KCNIP1: variants seen among roughly 807,000 people sequenced by gnomAD.
KCNIP1 encodes potassium voltage-gated channel interacting protein 1, also known as A-type potassium channel modulatory protein KCNIP1.
Under a neutral mutation model 33.0 loss-of-function variants are expected in KCNIP1, and 18 were observed. That is an observed-to-expected ratio of 0.55 (90% CI 0.38 to 0.81). The LOEUF (loss-of-function observed/expected upper bound fraction) is 0.81, where lower values mean the gene tolerates loss of function less well. Ranked by LOEUF, KCNIP1 falls within the 30% of genes least tolerant of loss-of-function variation. KCNIP1 has a pLI of 0.00. For synonymous variants in KCNIP1, 93 were observed against 98.3 expected, an observed-to-expected ratio of 0.95 and a Z score of 0.32; for missense variants, 238 against 271.6, an observed-to-expected ratio of 0.88 and a Z score of 0.87.
intron 1 of KCNIP1, among the ~76,000 whole-genome samples, chr5:170,633,766 G>T (rs1760173918): frequency 3.0e-5 from 1 of 32,898 alleles, no homozygotes; most frequent in South Asian, 1.1e-3. Context: ...GCGGAGGGGG[G>T]ATGGGGCGGG....
rs76428679 is a variant in KCNIP1, at chr5:170,366,617, G to T, written c.88+12653G>T. Among the ~76,000 whole-genome samples the T allele has an allele frequency of 1.4e-3, 207 of 152,372 alleles. 1 individual carries two copies. Among genetic ancestry groups the T allele is most frequent in the African/African-American group, 4.9e-3 (203 of 41,594 alleles). On this transcript the variant is annotated intron_variant, in intron 1 of 7. Transcript: ENST00000377360. Reference sequence around the variant, plus strand: ...TGTGACTGGAAGTCAAGGCCACATGGCACAGTGACCAGCGTGAGACTCCTC... The same window carrying T: ...TGTGACTGGAAGTCAAGGCCACATGTCACAGTGACCAGCGTGAGACTCCTC...
chr5:170,683,889 AGTGTATGTGTGTGTGTGTGTGT>A (rs1263607620), intron 1 of KCNIP1, among the ~76,000 whole-genome samples: 8 of 124,690 alleles, frequency 6.4e-5, no homozygotes, highest in South Asian at 2.8e-4. Flanking sequence ...ATGCCCAGCT[AGTGTATGTGTGTGTGTGTGTGT>A]GTGTGTGTGT....
At chr5:170,493,242 TTGTG>T (rs1329720592) in intron 1 of KCNIP1, among the ~76,000 whole-genome samples, 2 of 152,236 alleles carry the variant, frequency 1.3e-5, no homozygotes, top group Non-Finnish European at 2.9e-5. Flanking sequence ...ACTCAGGGCT[TTGTG>T]TGGCTCTGGC....
chr5:170,615,833 GATTA>G (rs1236884960), intron 1 of KCNIP1, among the ~76,000 whole-genome samples: 1 of 152,218 alleles, frequency 6.6e-6, no homozygotes, highest in East Asian at 1.9e-4. Context: ...TTGTTGTAAG[GATTA>G]ATTGAGTTGG....
chr5:170,658,474 A>G (rs896476944), intron 1 of KCNIP1, among the ~76,000 whole-genome samples: 1 of 152,322 alleles, frequency 6.6e-6, no homozygotes, highest in Non-Finnish European at 1.5e-5. Flanking sequence ...ATACTGCCAC[A>G]TTGGAGATTG....
intron 1 of KCNIP1, among the ~76,000 whole-genome samples, chr5:170,416,223 C>G (rs533140118): frequency 3.9e-5 from 6 of 152,264 alleles, no homozygotes; most frequent in African/African-American, 1.4e-4. Context: ...GAAGCCAGAG[C>G]TGGTGTGGCC....
At chr5:170,529,503 C>T (rs1351381220) in intron 1 of KCNIP1, among the ~76,000 whole-genome samples, 1 of 152,148 alleles carries the variant, frequency 6.6e-6, no homozygotes, top group African/African-American at 2.4e-5. Flanking sequence ...GATGTTGGGC[C>T]AGCAGAAACA....
In KCNIP1 at chr5:170,718,843, C is replaced by A. The variant is rs553548344; in HGVS notation, c.147C>A (p.Thr49=). ...LEQLEAQTNF[T]KRELQVLYRG... is the part of the protein sequence containing the mutation. ...AGCTCGAGGCCCAGACCAACTTCAC[C>A]AAGAGGGAGCTGCAGGTCCTTTATC... The change falls in exon 2 of 8, where the codon ACC becomes ACA. Residue 49 remains threonine, a synonymous_variant. Coordinates refer to ENST00000328939, the MANE Select transcript of KCNIP1 (RefSeq NM_014592.4). 9.9e-6 allele frequency: 16 copies of A among 1,610,368 alleles called. No homozygotes were observed. In the East Asian group the frequency reaches 3.6e-4, roughly 36 times the overall value.
intron 1 of KCNIP1, among the ~76,000 whole-genome samples, chr5:170,523,172 C>A (rs1245653268): frequency 1.3e-5 from 2 of 152,210 alleles, no homozygotes; most frequent in East Asian, 3.9e-4. Flanking sequence ...GCAGCTCCCC[C>A]TGCCCCACCC....
At chr5:170,717,537 G>A (rs145613163) in intron 1 of KCNIP1, among the ~76,000 whole-genome samples, 33 of 152,212 alleles carry the variant, frequency 2.2e-4, no homozygotes, top group African/African-American at 7.5e-4. Flanking sequence ...AGCCTCACAC[G>A]AACATCCATC....
chr5:170,474,589 T>C lies in KCNIP1; in HGVS notation c.88+120625T>C, dbSNP rs149381079. ...GCACCAGGCCCCAGACCTTAAGCTT[T>C]ACATGTGTTATTTCTGATTCCCATA... On this transcript the variant is annotated intron_variant, in intron 1 of 7. Coordinates refer to the KCNIP1 transcript ENST00000377360. Among the ~76,000 whole-genome samples the C allele has an allele frequency of 2.7e-3, 417 of 152,336 alleles. 2 individuals are homozygous for C. Among genetic ancestry groups the C allele is most frequent in the African/African-American group, 9.3e-3 (386 of 41,578 alleles).
At chr5:170,388,480 A>G (rs314107) in intron 1 of KCNIP1, among the ~76,000 whole-genome samples, 79,434 of 152,070 alleles carry the variant, frequency 0.52, 21,151 homozygotes, top group African/African-American at 0.62. Flanking sequence ...AGTTTTGAGC[A>G]TTTCTAAATA....
intron 1 of KCNIP1, among the ~76,000 whole-genome samples, chr5:170,359,611 G>C (rs1174859007): frequency 6.6e-6 from 1 of 152,192 alleles, no homozygotes; most frequent in East Asian, 1.9e-4. Context: ...GTCACAGGAA[G>C]AAAGTTTGAT....
At chr5:170,356,685 C>T (rs754818906) in intron 1 of KCNIP1, among the ~76,000 whole-genome samples, 11 of 152,216 alleles carry the variant, frequency 7.2e-5, no homozygotes, top group Non-Finnish European at 1.5e-4. Context: ...AGACCATGTG[C>T]ATTTTTTTGC....
intron 1 of KCNIP1, among the ~76,000 whole-genome samples, chr5:170,607,490 C>A (rs1334551160): frequency 2.6e-5 from 4 of 152,178 alleles, no homozygotes; most frequent in African/African-American, 4.8e-5. Flanking sequence ...AGCAGTCTAG[C>A]CCCCACTTTA....
At chr5:170,674,012 T>C (rs997512030) in intron 1 of KCNIP1, among the ~76,000 whole-genome samples, 1 of 152,090 alleles carries the variant, frequency 6.6e-6, no homozygotes, top group African/African-American at 2.4e-5. Context: ...GCAGGTTGTC[T>C]CCATCTCTGC....
chr5:170,392,683 C>T (rs1315102669), intron 1 of KCNIP1, among the ~76,000 whole-genome samples: 1 of 152,158 alleles, frequency 6.6e-6, no homozygotes, highest in African/African-American at 2.4e-5. Flanking sequence ...ATTAGCTGGG[C>T]ACGATGGCAG....
chr5:170,702,934 A>T (rs940545497), intron 1 of KCNIP1, among the ~76,000 whole-genome samples: 4 of 148,678 alleles, frequency 2.7e-5, no homozygotes, highest in Non-Finnish European at 4.4e-5. Flanking sequence ...TTCTTCTCTG[A>T]GCCTCCGTCT....
chr5:170,550,576 GTGATGATGATGGCAATGA>G (rs918987568), intron 1 of KCNIP1, among the ~76,000 whole-genome samples: 1 of 149,006 alleles, frequency 6.7e-6, no homozygotes, highest in East Asian at 2.0e-4. Flanking sequence ...GATGATGATG[GTGATGATGATGGCAATGA>G]TGATGATGAT....
Sources: gnomAD v4.1 joint callset for allele counts (sites outside exome capture counted in the v4.1 genomes callset) on GRCh38, gnomAD v4.1.1 for gene constraint, MANE v1.5 for transcripts, NCBI Gene and HGNC (gene_info 2026-07-23, HGNC 2026-07-21) for gene names.